PRKACB: variants seen among roughly 807,000 people sequenced by gnomAD.
PRKACB encodes the protein protein kinase cAMP-activated catalytic subunit beta.
PRKACB carries 16 observed loss-of-function variants against 51.4 expected under a neutral mutation model. That is an observed-to-expected ratio of 0.31 (90% CI 0.21 to 0.47). PRKACB has a LOEUF of 0.47. PRKACB is among the 20% of genes least tolerant of loss of function. The pLI is 1.00. For missense variants in PRKACB, 309 were observed against 464.5 expected (o/e 0.67, Z 3.08); for synonymous variants, 147 against 154.4 (o/e 0.95, Z 0.35).
upstream of PRKACB, among the ~76,000 whole-genome samples, chr1:84,143,605 A>G (rs905466006): frequency 6.6e-6 from 1 of 152,156 alleles, no homozygotes; most frequent in African/African-American, 2.4e-5. Context: ...GGTGGATTTT[A>G]TATAATTTAA....
chr1:84,105,662 A>G (rs1649683427), intron 1 of PRKACB, among the ~76,000 whole-genome samples: 1 of 151,564 alleles, frequency 6.6e-6, no homozygotes, highest in Admixed American at 6.6e-5. Flanking sequence ...TGCAACCTCC[A>G]CCTCCCGGAT....
chr1:84,162,580 A>T (rs1656339566), intron 1 of PRKACB, among the ~76,000 whole-genome samples: 2 of 152,014 alleles, frequency 1.3e-5, no homozygotes, highest in African/African-American at 4.8e-5. Context: ...GGCTTACTAT[A>T]CTGAGTTTTA....
chr1:84,102,988 C>G (rs565183084), intron 1 of PRKACB, among the ~76,000 whole-genome samples: 1 of 152,114 alleles, frequency 6.6e-6, no homozygotes, highest in Non-Finnish European at 1.5e-5. Flanking sequence ...CTCTTTAGTT[C>G]ACAAGTCTTT....
chr1:84,094,490 A>C (rs569530344), intron 1 of PRKACB, among the ~76,000 whole-genome samples: 94 of 151,912 alleles, frequency 6.2e-4, no homozygotes, highest in Admixed American at 3.7e-3. Context: ...TTTTTCTTTG[A>C]CTAATGGCTA....
intron 1 of PRKACB, among the ~76,000 whole-genome samples, chr1:84,128,835 T>A (rs2100545499): frequency 6.6e-6 from 1 of 152,326 alleles, no homozygotes; most frequent in East Asian, 1.9e-4. Context: ...TTTCTGTGAT[T>A]ATGGAAATGT....
chr1:84,179,960 G>A lies in PRKACB; in HGVS notation c.249+722G>A, dbSNP rs542090710. Among the ~76,000 whole-genome samples the A allele has an allele frequency of 2.1e-3, 303 of 143,066 alleles. 4 individuals carry two copies. Among genetic ancestry groups the A allele is most frequent in the African/African-American group, 7.5e-3 (289 of 38,724 alleles). 93.9% of individuals were successfully genotyped at this position (143,066 alleles called of 152,430 possible). A position where few individuals can be genotyped will look rare whatever the true frequency, so the allele number is the denominator to read the frequency against. On this transcript the variant is annotated intron_variant, in intron 2 of 9. Coordinates refer to ENST00000370685, the MANE Select transcript of PRKACB (RefSeq NM_182948.4). ...TCCCTCCCCTAGCCCCCCACCCCGC[G>A]ACAGGCCCCGGTGTGTGATGTTCCC...
chr1:84,129,939 G>A (rs185251195), intron 1 of PRKACB, among the ~76,000 whole-genome samples: 5 of 152,220 alleles, frequency 3.3e-5, no homozygotes, highest in East Asian at 1.9e-4. Flanking sequence ...TGTGGCTCAC[G>A]CCTGTAATCC....
chr1:84,210,122 G>A (rs1671913591), intron 8 of PRKACB, among the ~76,000 whole-genome samples: 3 of 152,154 alleles, frequency 2.0e-5, no homozygotes, highest in Admixed American at 1.3e-4. Flanking sequence ...TAAACACCAT[G>A]TGTTGAGAGC....
chr1:84,122,700 T>C (rs1419045033), intron 1 of PRKACB, among the ~76,000 whole-genome samples: 1 of 152,148 alleles, frequency 6.6e-6, no homozygotes, highest in Non-Finnish European at 1.5e-5. Flanking sequence ...AAAAGGACGT[T>C]TTGGAATTAT....
chr1:84,158,409 C>T (rs1281295860), intron 1 of PRKACB, among the ~76,000 whole-genome samples: 4 of 152,082 alleles, frequency 2.6e-5, no homozygotes, highest in Admixed American at 6.6e-5. Context: ...TTTGTATTTT[C>T]CTAATAACTT....
At chr1:84,125,301 A>G (rs1391326646) in intron 1 of PRKACB, among the ~76,000 whole-genome samples, 1 of 152,164 alleles carries the variant, frequency 6.6e-6, no homozygotes, top group African/African-American at 2.4e-5. Context: ...CAGAGCCAGT[A>G]ATGGTGTGCT....
intron 5 of PRKACB, among the ~76,000 whole-genome samples, chr1:84,189,864 G>A (rs1049024326): frequency 1.3e-5 from 2 of 151,948 alleles, no homozygotes; most frequent in Non-Finnish European, 2.9e-5. Flanking sequence ...TAGAGAGCAA[G>A]ATTCTGGTCC....
chr1:84,168,812 A>G (rs1408896466), intron 1 of PRKACB, among the ~76,000 whole-genome samples: 7 of 151,576 alleles, frequency 4.6e-5, no homozygotes, highest in Non-Finnish European at 7.4e-5. Flanking sequence ...TAAAACAGCT[A>G]TAGTGGGACA....
At chr1:84,173,108 A>C (rs568834759) in intron 1 of PRKACB, among the ~76,000 whole-genome samples, 8 of 151,882 alleles carry the variant, frequency 5.3e-5, no homozygotes, top group Non-Finnish European at 1.2e-4. Context: ...ATGATAATTT[A>C]TTAACATATT....
intron 1 of PRKACB, among the ~76,000 whole-genome samples, chr1:84,125,199 A>G (rs1651464545): frequency 6.6e-6 from 1 of 152,106 alleles, no homozygotes; most frequent in African/African-American, 2.4e-5. Context: ...TTATAGGACT[A>G]GGGTCTCTGT....
chr1:84,199,058 T>C (rs643964), intron 7 of PRKACB, among the ~76,000 whole-genome samples: 2 of 51,596 alleles, frequency 3.9e-5, no homozygotes, highest in Non-Finnish European at 1.5e-4. Context: ...CATATATATA[T>C]GCGTATATAT....
chr1:84,138,712 T>C (rs1156631299), intron 1 of PRKACB, among the ~76,000 whole-genome samples: 1 of 152,186 alleles, frequency 6.6e-6, no homozygotes, highest in East Asian at 1.9e-4. Flanking sequence ...ACCAAAATCA[T>C]GCAAAGATGG....
chr1:84,114,842 A>G (rs1330902126), intron 1 of PRKACB, among the ~76,000 whole-genome samples: 1 of 152,194 alleles, frequency 6.6e-6, no homozygotes, highest in African/African-American at 2.4e-5. Flanking sequence ...CTCCAGTTCT[A>G]GCCATATTGC....
Position 84,235,507 on chromosome 1 carries a change from G to A in PRKACB, c.*202G>A. 2 of 603,340 alleles carry A rather than the reference G, an allele frequency of 3.3e-6. No homozygotes were observed. The highest frequency in any genetic ancestry group is 6.2e-5 in the Admixed American group (2 of 32,066). 37.4% of individuals were successfully genotyped at this position (603,340 alleles called of 1,614,324 possible). Reference sequence around the variant, plus strand: ...GCACCGCTAAGCAAGCATTGTCTGTGCCATAACACAGTACTAGACCACTTT... The same window carrying A: ...GCACCGCTAAGCAAGCATTGTCTGTACCATAACACAGTACTAGACCACTTT... On this transcript the variant is annotated 3_prime_UTR_variant, in exon 10 of 10. Transcript: ENST00000370685.
Sources: allele counts gnomAD v4.1 joint callset (sites outside exome capture counted in the v4.1 genomes callset), GRCh38; gene constraint gnomAD v4.1.1; transcripts MANE v1.5; gene names NCBI Gene and HGNC (gene_info 2026-07-23, HGNC 2026-07-21).